Variants in KPNA2 observed in about 807,000 individuals in gnomAD.
KPNA2 encodes importin subunit alpha-1.
A neutral mutation model predicts 53.7 loss-of-function variants in KPNA2; 20 were observed. The observed-to-expected ratio is 0.37, with a 90% confidence interval of 0.26 to 0.54. The LOEUF (loss-of-function observed/expected upper bound fraction) is 0.54, where lower values mean the gene tolerates loss of function less well. KPNA2 is among the 20% of genes least tolerant of loss of function. KPNA2 has a pLI of 0.83. For missense variants in KPNA2, 515 were observed against 640.3 expected (o/e 0.80, Z 2.11); for synonymous variants, 238 against 227.5 (o/e 1.05, Z -0.42).
chr17:68,042,027 C>T (rs1186479710), intron 4 of KPNA2, 58 bp from the exon 5 acceptor site: 121 of 1,455,826 alleles, frequency 8.3e-5, no homozygotes, highest in Non-Finnish European at 1.0e-4. Flanking sequence ...TTGGTTTTTA[C>T]ACAAACTCCT....
Position 68,046,654 on chromosome 17 carries a change from T to C in KPNA2, c.*58T>C. 5 of 1,060,066 alleles carry C rather than the reference T, an allele frequency of 4.7e-6. No individual in the cohort carries two copies. The highest frequency in any genetic ancestry group is 7.2e-6 in the Non-Finnish European group (5 of 689,914). The allele number at this position is 1,060,066 out of a possible 1,614,324, so 65.7% of individuals were successfully genotyped here. On this transcript the variant is annotated 3_prime_UTR_variant, in exon 11 of 11. Transcript: ENST00000330459. ...CTACGTTTGGTATTTTGTCTTATTGTTTCTCTACTAAGAACTCTTTCTTAA... is the reference window on the plus strand; with the variant it reads ...CTACGTTTGGTATTTTGTCTTATTGCTTCTCTACTAAGAACTCTTTCTTAA...
chr17:68,039,277 T>C (rs1159498833), intron 3 of KPNA2, among the ~76,000 whole-genome samples: 2 of 151,770 alleles, frequency 1.3e-5, no homozygotes, highest in Non-Finnish European at 2.9e-5. Context: ...ATCACCACGA[T>C]GTCTAGCTAA....
At position 68,043,913 on chromosome 17, in the gene KPNA2, G is replaced by A. The variant is rs1555705025; in HGVS notation, c.1006G>A (p.Ala336Thr). 6.2e-7 allele frequency: 1 copy of A among 1,613,382 alleles called. No individual in the cohort carries two copies. Among genetic ancestry groups the A allele is most frequent in the Non-Finnish European group, 8.5e-7 (1 of 1,179,640 alleles). The change falls in exon 8 of 11, where the codon GCA becomes ACA. Residue 336 changes from alanine to threonine, a missense_variant. Coordinates refer to ENST00000330459, the MANE Select transcript of KPNA2 (RefSeq NM_002266.4). ...GACTCAGGTTGTGATTGATGCAGGA[G>A]CACTCGCCGTCTTTCCCAGCCTGCT... ...EQTQVVIDAG[A>T]LAVFPSLLTN...
chr17:68,045,241 C>T (rs1248698092), intron 9 of KPNA2, among the ~76,000 whole-genome samples: 1 of 151,966 alleles, frequency 6.6e-6, no homozygotes, highest in African/African-American at 2.4e-5. Context: ...TTTTTTTCAT[C>T]TATAGATATT....
At chr17:68,038,829 G>A (rs928388206) in intron 3 of KPNA2, among the ~76,000 whole-genome samples, 4 of 152,196 alleles carry the variant, frequency 2.6e-5, no homozygotes, top group Non-Finnish European at 4.4e-5. Flanking sequence ...CCCAGCCTAG[G>A]CAACATAGGA....
intron 1 of KPNA2, chr17:68,036,285 C>T (rs1244074953): frequency 1.3e-5 from 2 of 152,272 alleles, no homozygotes; most frequent in Non-Finnish European, 2.9e-5. Context: ...GCAAAGATAG[C>T]AAATTGTAAG....
intron 9 of KPNA2, chr17:68,045,458 C>A: frequency 8.8e-6 from 2 of 226,724 alleles, no homozygotes; most frequent in South Asian, 1.1e-4. Flanking sequence ...GTTCCCATAG[C>A]AGACCAGTTG....
intron 9 of KPNA2, 195 bp from the exon 10 acceptor site, chr17:68,045,577 T>C (rs1430190753): frequency 1.3e-5 from 6 of 457,712 alleles, no homozygotes; most frequent in Non-Finnish European, 1.2e-5. Flanking sequence ...GAAGTAGTGC[T>C]AAAAGCAGGT....
rs1271552920 is a variant in KPNA2, at chr17:68,035,778, T to A, written c.-86T>A. ...GTCGAGGTGGACCCTTTGAACGCAG[T>A]CGCCCTACAGCCGCTGATTCCCCCC... On this transcript the variant is annotated 5_prime_UTR_variant, in exon 1 of 11. Transcript: ENST00000330459. 6.6e-6 allele frequency: 1 copy of A among 152,346 alleles called. No individual in the cohort carries two copies. The highest frequency in any genetic ancestry group is 1.5e-5 in the Non-Finnish European group (1 of 68,246). The allele number at this position is 152,346 out of a possible 1,614,324, so 9.4% of individuals were successfully genotyped here.
At chr17:68,044,254 A>G in intron 8 of KPNA2, 67 bp from the exon 9 acceptor site, 1 of 1,479,598 alleles carries the variant, frequency 6.8e-7, no homozygotes, top group Non-Finnish European at 9.2e-7. Context: ...GTTTTTGTGA[A>G]AAAGTACTCT....
Position 68,044,053 on chromosome 17 carries a change from T to C in KPNA2, c.1146T>C (p.Leu382=). Residue 382 remains leucine (L), a synonymous_variant, in exon 8 of 11, where the codon CTT becomes CTC. Transcript: ENST00000330459. The stretch of plus-strand genomic sequence containing the variant: ...TGAATCATGGATTAGTCCCATTCCT[T>C]GTCAGTGTTCTCTCTAAGGTAACGA... ...QVVNHGLVPF[L]VSVLSKADFK... The C allele has an allele frequency of 6.2e-7, 1 of 1,612,876 alleles. No individual in the cohort carries two copies. Among genetic ancestry groups the C allele is most frequent in the Non-Finnish European group, 8.5e-7 (1 of 1,178,880 alleles).
At chr17:68,044,784 T>G (rs541077190) in intron 9 of KPNA2, among the ~76,000 whole-genome samples, 1 of 152,254 alleles carries the variant, frequency 6.6e-6, no homozygotes, top group African/African-American at 2.4e-5. Context: ...TTCATACCGA[T>G]TTTTGGTGAC....
rs1005539647 is a variant in KPNA2, at chr17:68,040,587, G to A, written c.214-91G>A. 32 of 813,964 alleles carry A rather than the reference G, an allele frequency of 3.9e-5. No individual in the cohort carries two copies. In the African/African-American group the frequency reaches 4.6e-4, roughly 12 times the overall value. The allele number at this position is 813,964 out of a possible 1,614,324, so 50.4% of individuals were successfully genotyped here. ...TTTAGTAGCTGGCTATAAGCCTAACGATGTTTACACTTGCCTTCACAAGTA... is the reference window on the plus strand; with the variant it reads ...TTTAGTAGCTGGCTATAAGCCTAACAATGTTTACACTTGCCTTCACAAGTA... On this transcript the variant is annotated intron_variant, in intron 3 of 10. Transcript: ENST00000330459.
Position 68,042,132 on chromosome 17 carries a change from G to A in KPNA2, c.350G>A (p.Arg117Gln), listed in dbSNP as rs148032855. ...EKQPPIDNII[R>Q]AGLIPKFVSF... The stretch of plus-strand genomic sequence containing the variant: ...CAGCCCCCCATAGACAACATAATCC[G>A]GGCTGGTTTGATTCCGAAATTTGTG... Residue 117 changes from arginine (R) to glutamine (Q), a missense_variant, in exon 5 of 11, where the codon CGG (arginine) becomes CAG (glutamine). Arg to Gln is a conservative substitution (Grantham distance 43, BLOSUM62 1). Coordinates refer to ENST00000330459, the MANE Select transcript of KPNA2 (RefSeq NM_002266.4). The A allele has an allele frequency of 1.7e-3, 2,758 of 1,613,872 alleles. 2 individuals are homozygous for A. Among genetic ancestry groups the A allele is most frequent in the Non-Finnish European group, 2.1e-3 (2,488 of 1,179,790 alleles).
In KPNA2 at chr17:68,040,684, G is replaced by A. The variant is rs1230158410; in HGVS notation, c.220G>A (p.Val74Ile). 2 of 1,608,592 alleles carry A rather than the reference G, an allele frequency of 1.2e-6. No individual in the cohort carries two copies. Among genetic ancestry groups the A allele is most frequent in the African/African-American group, 1.3e-5 (1 of 74,932 alleles). ...LQENRNNQGT[V>I]NWSVDDIVKG... ...ACTTTCACTTTTCTTCTAGGGCACT[G>A]TAAATTGGTCTGTTGATGACATTGT... The change falls in exon 4 of 11, where the codon GTA becomes ATA. Residue 74 changes from valine to isoleucine, a missense_variant. Transcript: ENST00000330459.
intron 4 of KPNA2, among the ~76,000 whole-genome samples, chr17:68,041,248 A>C (rs2071256724): frequency 6.6e-6 from 1 of 152,194 alleles, no homozygotes; most frequent in Non-Finnish European, 1.5e-5. Context: ...GCAGAAGAAA[A>C]ATTTCAATGG....
Position 68,043,341 on chromosome 17 carries a change from G to A in KPNA2, c.908G>A (p.Gly303Glu). 6.2e-7 allele frequency: 1 copy of A among 1,614,056 alleles called. No individual in the cohort carries two copies. The highest frequency in any genetic ancestry group is 8.5e-7 in the Non-Finnish European group (1 of 1,179,952). Residue 303 changes from glycine (G) to glutamate (E), a missense_variant, in exon 7 of 11, where the codon GGA becomes GAA. Gly to Glu is a moderately conservative substitution (Grantham distance 98). Coordinates refer to ENST00000330459, the MANE Select transcript of KPNA2 (RefSeq NM_002266.4). ...GTGCCCCAACTTGTGAAGCTTCTAGGAGCTTCTGAATTGCCAATTGTGGTA... is the reference window on the plus strand; with the variant it reads ...GTGCCCCAACTTGTGAAGCTTCTAGAAGCTTCTGAATTGCCAATTGTGGTA... ...GVVPQLVKLL[G>E]ASELPIVTPA...
In KPNA2 at chr17:68,046,004, G is replaced by A. The variant is rs1229146745; in HGVS notation, c.1497+83G>A. 8 of 864,726 alleles carry A rather than the reference G, an allele frequency of 9.3e-6. No individual in the cohort carries two copies. In the East Asian group the frequency reaches 1.8e-4, roughly 19 times the overall value. The allele number at this position is 864,726 out of a possible 1,614,324, so 53.6% of individuals were successfully genotyped here. On this transcript the variant is annotated intron_variant, in intron 10 of 10. Coordinates refer to ENST00000330459, the MANE Select transcript of KPNA2 (RefSeq NM_002266.4). ...GCCTTTTTTTCCCTTTTAAAAATAA[G>A]TGTCATATCTTTGTTAAATATAGTA...
intron 1 of KPNA2, 30 bp from the exon 2 acceptor site, chr17:68,037,080 G>A (rs2071198305): frequency 7.3e-7 from 1 of 1,370,910 alleles, no homozygotes; most frequent in Non-Finnish European, 1.0e-6. Flanking sequence ...AATGATAAAG[G>A]AAATATTTTT....
Sources: gnomAD v4.1 joint callset for allele counts (sites outside exome capture counted in the v4.1 genomes callset) on GRCh38, gnomAD v4.1.1 for gene constraint, MANE v1.5 for transcripts, NCBI Gene and HGNC (gene_info 2026-07-23, HGNC 2026-07-21) for gene names.